The following FGF14 variants were observed in gnomAD, a reference collection of about 807,000 sequenced individuals.
The protein encoded by FGF14 is fibroblast growth factor homologous factor 4.
Under a neutral mutation model 25.5 loss-of-function variants are expected in FGF14, and 5 were observed. The observed-to-expected ratio is 0.20, with a 90% CI of 0.10 to 0.41. The LOEUF (loss-of-function observed/expected upper bound fraction) is 0.41, where lower values mean the gene tolerates loss of function less well. Ranked by LOEUF, FGF14 falls within the 10% of genes least tolerant of loss-of-function variation. FGF14 has a pLI of 1.00. For synonymous variants in FGF14, 138 were observed against 118.3 expected (o/e 1.17, Z -1.08); for missense variants, 222 against 320.1 (o/e 0.69, Z 2.34).
intron 1 of FGF14, chr13:102,300,072 T>C (rs1049632564): frequency 1.3e-5 from 2 of 152,206 alleles, no homozygotes; most frequent in African/African-American, 4.8e-5. Context: ...TAAAATACAC[T>C]TCTAGTTTCT....
At chr13:102,067,186 A>G (rs1166923191) in intron 1 of FGF14, among the ~76,000 whole-genome samples, 1 of 152,220 alleles carries the variant, frequency 6.6e-6, no homozygotes. Context: ...TGATAGGATC[A>G]TCAAAAGGCC....
chr13:102,150,296 T>G (rs202244231), intron 1 of FGF14, among the ~76,000 whole-genome samples: 3 of 45,370 alleles, frequency 6.6e-5, no homozygotes, highest in Non-Finnish European at 1.1e-4. Flanking sequence ...TGTTTTTAGG[T>G]TTTTTTTTTT....
rs1241460782 is a variant in FGF14, at chr13:101,716,729, A to C, written c.*6102T>G. On this transcript the variant is annotated 3_prime_UTR_variant, in exon 5 of 5. Transcript: ENST00000376143. ...CTTACTGGAAACCTGGGGTCATGCA[A>C]AGAAGTCAAGACGAGAAATACTGTG... 4.6e-5 allele frequency: 7 copies of C among 151,912 alleles called. No individual in the cohort carries two copies. The highest frequency in any genetic ancestry group is 1.0e-4 in the Non-Finnish European group (7 of 67,976). The allele number at this position is 151,912 out of a possible 1,614,324, so 9.4% of individuals were successfully genotyped here.
intron 1 of FGF14, among the ~76,000 whole-genome samples, chr13:102,101,410 A>C (rs1272167336): frequency 1.3e-5 from 2 of 152,234 alleles, no homozygotes; most frequent in Non-Finnish European, 2.9e-5. Flanking sequence ...CTTTGAATGT[A>C]GAGAAACCCA....
chr13:102,158,479 A>T (rs2047455890), intron 1 of FGF14, among the ~76,000 whole-genome samples: 3 of 138,730 alleles, frequency 2.2e-5, no homozygotes, highest in Admixed American at 7.4e-5. Flanking sequence ...ATGAGAACAC[A>T]TGGACACAGG....
intron 1 of FGF14, among the ~76,000 whole-genome samples, chr13:102,194,112 G>A (rs1241911656): frequency 6.6e-5 from 10 of 151,874 alleles, no homozygotes; most frequent in Admixed American, 2.6e-4. Flanking sequence ...TTAAAAAATC[G>A]AAATTCTAGA....
rs541269047 is a variant in FGF14 at position 102,317,196 on chromosome 13, T to C, written c.208+84275A>G. 1.1e-4 allele frequency among the ~76,000 whole-genome samples: 17 copies of C among 152,320 alleles called. No individual in the cohort carries two copies. The South Asian group carries it at 3.5e-3, about 32-fold the overall frequency. ...ATTTACACTATACAGTCACTAGCTT[T>C]GTGAGAAAATAAGAGTATAAAGGTT... On this transcript the variant is annotated intron_variant, in intron 1 of 4. Transcript: ENST00000376131.
intron 1 of FGF14, among the ~76,000 whole-genome samples, chr13:101,893,890 C>A (rs1464407479): frequency 6.6e-6 from 1 of 152,130 alleles, no homozygotes; most frequent in Non-Finnish European, 1.5e-5. Flanking sequence ...AACCAATACA[C>A]CTGACAAGAT....
chr13:101,938,716 C>T (rs1057072614), intron 1 of FGF14, among the ~76,000 whole-genome samples: 2 of 152,158 alleles, frequency 1.3e-5, no homozygotes, highest in Non-Finnish European at 2.9e-5. Context: ...GGGTGTATGT[C>T]TCTCCCTCAC....
intron 1 of FGF14, among the ~76,000 whole-genome samples, chr13:102,211,704 T>G (rs1242525578): frequency 6.6e-6 from 1 of 152,190 alleles, no homozygotes; most frequent in African/African-American, 2.4e-5. Context: ...CAATATATTT[T>G]CAATGAAATT....
chr13:101,808,567 G>T (rs903213992), intron 3 of FGF14, among the ~76,000 whole-genome samples: 1 of 152,054 alleles, frequency 6.6e-6, no homozygotes, highest in Non-Finnish European at 1.5e-5. Context: ...AACAGCTTTT[G>T]CTAACAAAAC....
intron 1 of FGF14, among the ~76,000 whole-genome samples, chr13:101,939,063 A>G (rs1421135380): frequency 1.3e-5 from 2 of 152,190 alleles, no homozygotes; most frequent in African/African-American, 2.4e-5. Context: ...AAATGCCAAT[A>G]GTGCCAAGGC....
intron 1 of FGF14, among the ~76,000 whole-genome samples, chr13:102,284,920 T>C (rs188173443): frequency 3.9e-5 from 6 of 152,118 alleles, no homozygotes; most frequent in African/African-American, 9.6e-5. Flanking sequence ...TTTCTCTCTC[T>C]CTCTCCCCCT....
At chr13:102,247,190 T>C (rs572779411) in intron 1 of FGF14, among the ~76,000 whole-genome samples, 3 of 152,110 alleles carry the variant, frequency 2.0e-5, no homozygotes, top group East Asian at 1.9e-4. Context: ...GATTTCATGA[T>C]GAAGATGCCA....
At chr13:101,888,802 T>C (rs1005150496) in intron 1 of FGF14, among the ~76,000 whole-genome samples, 8 of 151,976 alleles carry the variant, frequency 5.3e-5, no homozygotes, top group Admixed American at 6.6e-5. Flanking sequence ...TTCAAAGATA[T>C]AGTTCTTCTT....
chr13:102,138,840 G>T (rs1052796716), intron 1 of FGF14, among the ~76,000 whole-genome samples: 3 of 152,174 alleles, frequency 2.0e-5, no homozygotes, highest in African/African-American at 7.2e-5. Context: ...TTACATAACT[G>T]ATCACAACTG....
rs548117225 is a variant in FGF14 at position 101,877,946 on chromosome 13, A to G, written c.194-2650T>C. 2.0e-5 allele frequency among the ~76,000 whole-genome samples: 3 copies of G among 151,560 alleles called. No homozygotes were observed. The South Asian group carries it at 6.2e-4, about 32-fold the overall frequency. On this transcript the variant is annotated intron_variant, in intron 1 of 4. Coordinates refer to ENST00000376143, the MANE Select transcript of FGF14 (RefSeq NM_004115.4). ...TCTCTCGCTCTTTTTCTTTTTTTCT[A>G]TTTTCACTGCCAGCCCCTCATTACC...
intron 1 of FGF14, among the ~76,000 whole-genome samples, chr13:102,017,334 C>A (rs2040399890): frequency 6.6e-6 from 1 of 152,076 alleles, no homozygotes; most frequent in Non-Finnish European, 1.5e-5. Flanking sequence ...TCTTCAATAT[C>A]AAAAAATACC....
chr13:102,191,989 C>G (rs1314359328), intron 1 of FGF14, among the ~76,000 whole-genome samples: 2 of 152,200 alleles, frequency 1.3e-5, no homozygotes, highest in East Asian at 3.8e-4. Flanking sequence ...CTCAAGATAT[C>G]TCTTTTTCAT....
Sources: allele counts gnomAD v4.1 joint callset (sites outside exome capture counted in the v4.1 genomes callset), GRCh38; gene constraint gnomAD v4.1.1; transcripts MANE v1.5; gene names NCBI Gene and HGNC (gene_info 2026-07-23, HGNC 2026-07-21).